Variants in FANCC observed in about 807,000 individuals in gnomAD.
FANCC encodes Fanconi anemia group C protein.
A neutral mutation model predicts 71.3 loss-of-function variants in FANCC; 55 were observed. The ratio of observed to expected loss-of-function variants is 0.77; its 90% CI spans 0.62 to 0.97. The LOEUF (loss-of-function observed/expected upper bound fraction) is 0.97, where lower values mean the gene tolerates loss of function less well. Among genes scored for constraint, FANCC ranks in the 50% least tolerant of loss-of-function variants. The pLI is 0.00. For missense variants in FANCC, 678 were observed against 670.9 expected, an observed-to-expected ratio of 1.01 and a Z score of -0.12; for synonymous variants, 275 against 244.9, an observed-to-expected ratio of 1.12 and a Z score of -1.15.
intron 4 of FANCC, among the ~76,000 whole-genome samples, chr9:95,216,817 C>T (rs553881004): frequency 6.6e-6 from 1 of 152,230 alleles, no homozygotes; most frequent in African/African-American, 2.4e-5. Context: ...TTGTGGCTTG[C>T]TGTGCTGTGA....
At chr9:95,104,325 G>A (rs189394459) in intron 14 of FANCC, among the ~76,000 whole-genome samples, 192 of 152,352 alleles carry the variant, frequency 1.3e-3, no homozygotes, top group Middle Eastern at 6.8e-3. Context: ...GCCAGCATCC[G>A]TCCCTGACAG....
At position 95,294,295 on chromosome 9, in the gene FANCC, G is replaced by A. The variant is rs552719090; in HGVS notation, c.-79+23231C>T. 8.8e-4 allele frequency: 1,394 copies of A among 1,583,534 alleles called. 2 individuals carry two copies. Among genetic ancestry groups the A allele is most frequent in the Non-Finnish European group, 1.1e-3 (1,323 of 1,152,382 alleles). ...CTCACATATCCAGACTCAAACTGAA[G>A]AGAGTGAACTTAGCACCATGAACAC... is the stretch of plus-strand genomic sequence containing the variant. On this transcript the variant is annotated intron_variant, in intron 1 of 14. Transcript: ENST00000289081.
chr9:95,162,166 A>G (rs1830790235), intron 6 of FANCC, among the ~76,000 whole-genome samples: 1 of 152,028 alleles, frequency 6.6e-6, no homozygotes, highest in Non-Finnish European at 1.5e-5. Context: ...TACAAGTTTG[A>G]CTAATTTAGA....
intron 13 of FANCC, chr9:95,110,691 G>A: frequency 9.5e-7 from 1 of 1,055,474 alleles, no homozygotes; most frequent in South Asian, 4.6e-5. Context: ...AAGAGAAGCA[G>A]GGCTCTATAC....
At chr9:95,149,064 T>C (rs908961760) in intron 7 of FANCC, among the ~76,000 whole-genome samples, 1 of 152,200 alleles carries the variant, frequency 6.6e-6, no homozygotes, top group Non-Finnish European at 1.5e-5. Context: ...AATGCTGCTT[T>C]TGTCAAACAT....
intron 4 of FANCC, among the ~76,000 whole-genome samples, chr9:95,172,454 T>C (rs1825749722): frequency 6.6e-6 from 1 of 152,232 alleles, no homozygotes; most frequent in Admixed American, 6.5e-5. Flanking sequence ...CAGTAAAATA[T>C]GTTTAACAGA....
At chr9:95,290,950 C>A (rs1007099357) in intron 1 of FANCC, among the ~76,000 whole-genome samples, 2 of 152,118 alleles carry the variant, frequency 1.3e-5, no homozygotes, top group African/African-American at 4.8e-5. Context: ...AGATGATATA[C>A]CACATTAACA....
intron 4 of FANCC, among the ~76,000 whole-genome samples, chr9:95,191,396 G>A (rs1009099519): frequency 7.7e-6 from 1 of 129,976 alleles, no homozygotes; most frequent in Non-Finnish European, 1.6e-5. Context: ...GCAGTGGTGT[G>A]ATCTTGGTTC....
chr9:95,148,990 A>G (rs1829929927), intron 7 of FANCC, among the ~76,000 whole-genome samples: 1 of 152,238 alleles, frequency 6.6e-6, no homozygotes, highest in South Asian at 2.1e-4. Flanking sequence ...ACGTCCCACC[A>G]GAAGCAGATA....
chr9:95,144,668 C>A (rs566051142), intron 7 of FANCC, among the ~76,000 whole-genome samples: 1 of 152,280 alleles, frequency 6.6e-6, no homozygotes, highest in South Asian at 2.1e-4. Context: ...AAATATATTC[C>A]TAGATGAATC....
chr9:95,228,915 A>G (rs991863158), intron 4 of FANCC, among the ~76,000 whole-genome samples: 2 of 152,218 alleles, frequency 1.3e-5, no homozygotes, highest in African/African-American at 4.8e-5. Flanking sequence ...GCCAGGTCAC[A>G]GAGGGCCTCA....
chr9:95,193,982 C>T (rs966327536), intron 4 of FANCC, among the ~76,000 whole-genome samples: 2 of 152,134 alleles, frequency 1.3e-5, no homozygotes, highest in South Asian at 2.1e-4. Flanking sequence ...CCTTCTGAGT[C>T]CACCCTGTTA....
chr9:95,173,744 C>A (rs1825838993), intron 4 of FANCC, among the ~76,000 whole-genome samples: 1 of 152,016 alleles, frequency 6.6e-6, no homozygotes, highest in Non-Finnish European at 1.5e-5. Flanking sequence ...AGAGAAATCC[C>A]ACCTCTATAA....
At chr9:95,169,473 G>T (rs994257834) in intron 6 of FANCC, among the ~76,000 whole-genome samples, 3 of 152,108 alleles carry the variant, frequency 2.0e-5, no homozygotes, top group African/African-American at 4.8e-5. Flanking sequence ...CAGTGCTCCC[G>T]GTCAGTAGAG....
intron 1 of FANCC, among the ~76,000 whole-genome samples, chr9:95,258,597 A>G (rs1043463873): frequency 2.0e-5 from 3 of 152,252 alleles, no homozygotes; most frequent in African/African-American, 7.2e-5. Context: ...TAAATGGGCA[A>G]AAACTGGAAG....
At chr9:95,294,393 C>T in intron 1 of FANCC, 1 of 1,601,906 alleles carries the variant, frequency 6.2e-7, no homozygotes, top group Non-Finnish European at 8.6e-7. Context: ...CTGCTCAGTC[C>T]TATGGGTGTA....
intron 4 of FANCC, 82 bp downstream of exon 4, chr9:95,240,562 TCCACC>T: frequency 1.1e-6 from 1 of 881,992 alleles, no homozygotes; most frequent in Non-Finnish European, 1.9e-6. Flanking sequence ...AGAACTGGAT[TCCACC>T]CCACCCCAAA....
chr9:95,287,322 T>C (rs1017123080), intron 1 of FANCC, among the ~76,000 whole-genome samples: 3 of 152,210 alleles, frequency 2.0e-5, no homozygotes, highest in Non-Finnish European at 4.4e-5. Context: ...GCAAAAATTT[T>C]CAACAACCTC....
intron 1 of FANCC, among the ~76,000 whole-genome samples, chr9:95,252,044 G>A (rs1337936744): frequency 6.6e-6 from 1 of 152,050 alleles, no homozygotes; most frequent in Non-Finnish European, 1.5e-5. Context: ...TTGGGAGGCC[G>A]AGGTGGATAG....
Sources: gnomAD v4.1 joint callset for allele counts (sites outside exome capture counted in the v4.1 genomes callset) on GRCh38, gnomAD v4.1.1 for gene constraint, MANE v1.5 for transcripts, NCBI Gene and HGNC (gene_info 2026-07-23, HGNC 2026-07-21) for gene names.